Variants in CDC42BPA observed in about 807,000 individuals in gnomAD.
CDC42BPA encodes serine/threonine-protein kinase MRCK alpha.
In CDC42BPA, 80 loss-of-function variants were observed where a neutral mutation model predicts 223.5. The observed-to-expected ratio is 0.36, with a 90% CI of 0.30 to 0.43. The LOEUF is 0.43. CDC42BPA is among the 20% of genes least tolerant of loss of function. The pLI is 1.00. For missense variants in CDC42BPA, 1,743 were observed against 2,099.9 expected (o/e 0.83, Z 3.32); for synonymous variants, 694 against 718.6 (o/e 0.97, Z 0.55).
At position 227,016,952 on chromosome 1, in the gene CDC42BPA, C is replaced by G. The variant is rs555542592; in HGVS notation, c.4714G>C (p.Glu1572Gln). The change falls in exon 33 of 37, where the codon GAA becomes CAA. Residue 1572 changes from glutamate (E) to glutamine (Q), a missense_variant. By Grantham distance (29) the Glu-to-Gln change is conservative (BLOSUM62 2). Transcript: ENST00000366766. ...NKRRYSFRVP[E>Q]EERMQQRREM... is the part of the protein sequence containing the mutation. ...CTCCTCTGCTGCATCCTTTCCTCTT[C>G]TGGGACTCTGAAGGAATAACGCCGC... The G allele has an allele frequency of 2.0e-5, 32 of 1,612,950 alleles. No individual in the cohort carries two copies. The highest frequency in any genetic ancestry group is 3.3e-5 in the Admixed American group (2 of 59,876).
intron 16 of CDC42BPA, among the ~76,000 whole-genome samples, chr1:227,083,880 T>C (rs570270099): frequency 1.3e-5 from 2 of 152,320 alleles, no homozygotes; most frequent in African/African-American, 2.4e-5. Flanking sequence ...TGCAACTTGA[T>C]AGGCAATGCA....
intron 21 of CDC42BPA, among the ~76,000 whole-genome samples, chr1:227,067,361 AT>A (rs2149020506): frequency 6.6e-6 from 1 of 152,222 alleles, no homozygotes; most frequent in African/African-American, 2.4e-5. Context: ...ACAATCAAAT[AT>A]ATGTACATTT....
chr1:227,061,129 A>G (rs189735671), intron 21 of CDC42BPA, among the ~76,000 whole-genome samples: 67 of 152,242 alleles, frequency 4.4e-4, no homozygotes, highest in Admixed American at 7.2e-4. Context: ...GTTCTAAAGA[A>G]GTTTTTCCAT....
At chr1:227,048,884 C>A (rs1051013190) in intron 22 of CDC42BPA, among the ~76,000 whole-genome samples, 2 of 151,544 alleles carry the variant, frequency 1.3e-5, no homozygotes, top group Non-Finnish European at 3.0e-5. Flanking sequence ...ATGGATGGTC[C>A]TTTCTTTGCT....
At chr1:227,284,437 T>C (rs893730019) in intron 1 of CDC42BPA, among the ~76,000 whole-genome samples, 5 of 152,146 alleles carry the variant, frequency 3.3e-5, no homozygotes, top group African/African-American at 1.2e-4. Context: ...CACATGTAAG[T>C]CCGTAAGCTT....
At chr1:227,254,708 A>G (rs1028212869) in intron 1 of CDC42BPA, among the ~76,000 whole-genome samples, 1 of 152,236 alleles carries the variant, frequency 6.6e-6, no homozygotes, top group Non-Finnish European at 1.5e-5. Flanking sequence ...CATTCAAGAA[A>G]GACAAGTATG....
chr1:227,121,215 C>T (rs962769996), intron 11 of CDC42BPA, among the ~76,000 whole-genome samples: 6 of 152,146 alleles, frequency 3.9e-5, no homozygotes, highest in African/African-American at 1.4e-4. Flanking sequence ...CCAGTCAAGA[C>T]CTAATGAAGC....
chr1:227,211,352 C>G (rs1391422021), intron 3 of CDC42BPA, among the ~76,000 whole-genome samples: 1 of 151,922 alleles, frequency 6.6e-6, no homozygotes, highest in Admixed American at 6.6e-5. Flanking sequence ...GAAAACAGTA[C>G]GTCGATTTCT....
At chr1:227,132,905 G>T (rs1196475187) in intron 10 of CDC42BPA, among the ~76,000 whole-genome samples, 10 of 149,340 alleles carry the variant, frequency 6.7e-5, no homozygotes, top group Non-Finnish European at 1.5e-4. Context: ...CAACCGCCCC[G>T]ACTGAGAGGT....
intron 23 of CDC42BPA, among the ~76,000 whole-genome samples, chr1:227,046,530 G>C (rs1033553849): frequency 6.6e-6 from 1 of 152,132 alleles, no homozygotes; most frequent in Admixed American, 6.5e-5. Flanking sequence ...TTAAATTTGT[G>C]ATCTCTTTGG....
At chr1:227,003,023 G>A (rs1663190013) in intron 35 of CDC42BPA, among the ~76,000 whole-genome samples, 1 of 152,138 alleles carries the variant, frequency 6.6e-6, no homozygotes, top group African/African-American at 2.4e-5. Context: ...AATTTCTTAT[G>A]CAGCAAGAGA....
chr1:227,310,853 ATT>A (rs34400893), intron 1 of CDC42BPA, among the ~76,000 whole-genome samples: 1 of 148,264 alleles, frequency 6.7e-6, no homozygotes, highest in African/African-American at 2.5e-5. Context: ...CGCCCGGCTA[ATT>A]TTTTTTTTTG....
intron 1 of CDC42BPA, among the ~76,000 whole-genome samples, chr1:227,271,465 C>G (rs1198061591): frequency 6.6e-6 from 1 of 151,974 alleles, no homozygotes; most frequent in African/African-American, 2.4e-5. Flanking sequence ...ATCCTTATTC[C>G]AGTTTCATTC....
intron 23 of CDC42BPA, among the ~76,000 whole-genome samples, chr1:227,042,758 A>T (rs1156364215): frequency 6.6e-6 from 1 of 152,158 alleles, no homozygotes; most frequent in African/African-American, 2.4e-5. Flanking sequence ...AGAGAAAAAA[A>T]TGAAAAGAAA....
At chr1:227,121,153 G>C (rs1471027722) in intron 11 of CDC42BPA, among the ~76,000 whole-genome samples, 1 of 152,170 alleles carries the variant, frequency 6.6e-6, no homozygotes, top group Non-Finnish European at 1.5e-5. Context: ...AACATCCCCA[G>C]ACAAGTGACA....
At chr1:227,081,449 T>G (rs115453165) in intron 16 of CDC42BPA, among the ~76,000 whole-genome samples, 1,633 of 139,656 alleles carry the variant, frequency 0.012, 33 homozygotes, top group African/African-American at 0.041. Flanking sequence ...ACGCCTGTTC[T>G]CTCTCTCTTT....
chr1:227,315,599 C>G (rs946765418), intron 1 of CDC42BPA, among the ~76,000 whole-genome samples: 1 of 151,104 alleles, frequency 6.6e-6, no homozygotes, highest in African/African-American at 2.4e-5. Context: ...ATTAACACTA[C>G]AGAATTTCTC....
intron 5 of CDC42BPA, among the ~76,000 whole-genome samples, chr1:227,170,927 A>G (rs567737844): frequency 1.3e-4 from 20 of 152,354 alleles, no homozygotes; most frequent in Non-Finnish European, 2.5e-4. Context: ...GCAATTGTTA[A>G]GTGGAACAGT....
chr1:227,029,270 T>A lies in CDC42BPA; in HGVS notation c.3839-20A>T. 1.4e-6 allele frequency: 2 copies of A among 1,436,674 alleles called. No homozygotes were observed. Among genetic ancestry groups the A allele is most frequent in the African/African-American group, 1.4e-5 (1 of 70,236 alleles). 89.0% of individuals were successfully genotyped at this position (1,436,674 alleles called of 1,614,324 possible). ...TAATTTCTAAACACAGAAAGAATAA[T>A]AAATCAAAATATAGTTTTATTGATT... On this transcript the variant is annotated intron_variant, in intron 29 of 36. Coordinates refer to ENST00000366766, the MANE Select transcript of CDC42BPA (RefSeq NM_001394014.1).
Sources: gnomAD v4.1 joint callset for allele counts (sites outside exome capture counted in the v4.1 genomes callset) on GRCh38, gnomAD v4.1.1 for gene constraint, MANE v1.5 for transcripts, NCBI Gene and HGNC (gene_info 2026-07-23, HGNC 2026-07-21) for gene names.